DAP3: variants seen among roughly 807,000 people sequenced by gnomAD.
DAP3 encodes small ribosomal subunit protein mS29.
In DAP3, 28 loss-of-function variants were observed where a neutral mutation model predicts 51.9. The ratio of observed to expected loss-of-function variants is 0.54; its 90% CI spans 0.40 to 0.74. DAP3 has a LOEUF of 0.74. DAP3 is among the 30% of genes least tolerant of loss of function. The pLI, the probability that DAP3 is intolerant of heterozygous loss-of-function variation, is 0.00. For synonymous variants in DAP3, 170 were observed against 170.3 expected (o/e 1.00, Z 0.01); for missense variants, 458 against 483.5 (o/e 0.95, Z 0.49).
intron 1 of DAP3, among the ~76,000 whole-genome samples, chr1:155,698,389 A>G (rs1309944989): frequency 1.3e-5 from 2 of 152,180 alleles, no homozygotes; most frequent in Non-Finnish European, 2.9e-5. Flanking sequence ...AAATCTTCAC[A>G]ATTTATGTTC....
intron 1 of DAP3, among the ~76,000 whole-genome samples, chr1:155,703,187 G>A (rs973473391): frequency 2.6e-5 from 4 of 152,006 alleles, no homozygotes; most frequent in Admixed American, 6.6e-5. Flanking sequence ...CCATTTTCAC[G>A]CTGCTGATAA....
intron 2 of DAP3, among the ~76,000 whole-genome samples, chr1:155,712,791 C>G (rs1011704472): frequency 2.6e-5 from 4 of 151,712 alleles, no homozygotes; most frequent in African/African-American, 9.7e-5. Flanking sequence ...AAAAGTGTAA[C>G]AAAAATGTCA....
intron 1 of DAP3, among the ~76,000 whole-genome samples, chr1:155,703,457 G>T (rs959467884): frequency 4.6e-5 from 7 of 152,210 alleles, no homozygotes; most frequent in Non-Finnish European, 8.8e-5. Flanking sequence ...CTACCATGGG[G>T]TCCCTCCTAC....
At chr1:155,704,939 A>G (rs1291802408) in intron 1 of DAP3, among the ~76,000 whole-genome samples, 2 of 152,064 alleles carry the variant, frequency 1.3e-5, no homozygotes, top group Non-Finnish European at 2.9e-5. Flanking sequence ...AGATCATGCC[A>G]CTGCACTCCA....
At chr1:155,691,234 T>A (rs1400397594) in intron 1 of DAP3, among the ~76,000 whole-genome samples, 4 of 141,894 alleles carry the variant, frequency 2.8e-5, no homozygotes, top group Non-Finnish European at 5.9e-5. Context: ...GAACATTTTT[T>A]ATCACCCCCA....
intron 2 of DAP3, among the ~76,000 whole-genome samples, chr1:155,714,811 TG>T (rs1657135820): frequency 6.6e-6 from 1 of 151,740 alleles, no homozygotes; most frequent in Non-Finnish European, 1.5e-5. Flanking sequence ...ACCTGTGTAG[TG>T]GGAATGTTAG....
intron 3 of DAP3, 46 bp from the exon 4 acceptor site, chr1:155,721,471 T>C: frequency 6.3e-7 from 1 of 1,584,500 alleles, no homozygotes; most frequent in Non-Finnish European, 8.7e-7. Context: ...AAGAAAGTCT[T>C]GGTCACTTTG....
chr1:155,726,112 T>C (rs1658549279), intron 6 of DAP3, 93 bp downstream of exon 6: 2 of 1,007,518 alleles, frequency 2.0e-6, no homozygotes, highest in Non-Finnish European at 2.8e-6. Context: ...TCTTTTCTTT[T>C]CTTTTTTTTT....
intron 1 of DAP3, among the ~76,000 whole-genome samples, chr1:155,707,132 G>A (rs1383982014): frequency 6.6e-6 from 1 of 151,428 alleles, no homozygotes; most frequent in Non-Finnish European, 1.5e-5. Context: ...ATTTATAATA[G>A]GCCAGGCGCG....
At position 155,725,507 on chromosome 1, in the gene DAP3, GCGTGGAC is replaced by G; in HGVS notation, c.379+19_379+25del. ...ATCTTCTGTGTATCCTTTCCTGCCT[GCGTGGAC>G]CCTCATGAACCAATGCTTTCTCCCC... On this transcript the variant is annotated intron_variant, in intron 5 of 12. Transcript: ENST00000368336. 6.2e-7 allele frequency: 1 copy of G among 1,601,274 alleles called. No individual in the cohort carries two copies. The highest frequency in any genetic ancestry group is 8.6e-7 in the Non-Finnish European group (1 of 1,168,354).
At chr1:155,716,489 C>T (rs1417631750) in intron 2 of DAP3, among the ~76,000 whole-genome samples, 1 of 151,858 alleles carries the variant, frequency 6.6e-6, no homozygotes, top group Non-Finnish European at 1.5e-5. Flanking sequence ...AGGAGAATGG[C>T]GTAAACCCAG....
intron 2 of DAP3, among the ~76,000 whole-genome samples, chr1:155,715,309 TG>T (rs1316112043): frequency 1.3e-5 from 2 of 149,120 alleles, no homozygotes; most frequent in Non-Finnish European, 1.5e-5. Flanking sequence ...ATCGCGTGAG[TG>T]CAGCAAGTTG....
At chr1:155,719,233 ATTT>A (rs35815910) in intron 3 of DAP3, among the ~76,000 whole-genome samples, 34 of 128,996 alleles carry the variant, frequency 2.6e-4, no homozygotes, top group South Asian at 2.5e-4. Flanking sequence ...CTCTAAAACA[ATTT>A]TTTTTTTTTT....
At chr1:155,689,080 G>C (rs963866056), upstream of DAP3, 140 of 1,475,118 alleles carry the variant, frequency 9.5e-5, no homozygotes, top group Non-Finnish European at 1.3e-4. Context: ...CGGATGACCC[G>C]ACCCTTTTTT....
chr1:155,705,826 G>C (rs1252178745), intron 1 of DAP3, among the ~76,000 whole-genome samples: 1 of 151,796 alleles, frequency 6.6e-6, no homozygotes, highest in Non-Finnish European at 1.5e-5. Flanking sequence ...TCAGCCTCCT[G>C]AGTAGCTGGG....
chr1:155,727,673 C>G lies in DAP3; in HGVS notation c.538C>G (p.Gln180Glu). 6.2e-7 allele frequency: 1 copy of G among 1,613,838 alleles called. No homozygotes were observed. Among genetic ancestry groups the G allele is most frequent in the Non-Finnish European group, 8.5e-7 (1 of 1,179,928 alleles). Residue 180 changes from glutamine to glutamate, a missense_variant, in exon 7 of 13, where the codon CAA becomes GAA. Coordinates refer to ENST00000368336, the MANE Select transcript of DAP3 (RefSeq NM_004632.4). Reference sequence around the variant, plus strand: ...CAGCTACAACAAACAGCGCTTTGATCAACCTTTAGAGGCTTCAACCTGGCT... The same window carrying G: ...CAGCTACAACAAACAGCGCTTTGATGAACCTTTAGAGGCTTCAACCTGGCT... Reference protein sequence around the residue: ...QSSYNKQRFDQPLEASTWLKN... With the variant: ...QSSYNKQRFDEPLEASTWLKN...
upstream of DAP3, chr1:155,688,655 G>T (rs1342572230): frequency 2.6e-6 from 4 of 1,533,594 alleles, no homozygotes; most frequent in Non-Finnish European, 3.5e-6. Flanking sequence ...GCCCTCACGC[G>T]TACCTTCAGC....
upstream of DAP3, chr1:155,688,837 A>G: frequency 6.3e-7 from 1 of 1,585,030 alleles, no homozygotes; most frequent in Non-Finnish European, 8.6e-7. Flanking sequence ...TGGCGGCTGC[A>G]GGGGCAGGAG....
rs61252469 is a variant in DAP3, at chr1:155,720,324, C to CAAAAA, written c.169-1169_169-1165dup. ...TGGTAAACCGAGCAAGATCTTGTCT[C>CAAAAA]AAAAAAAAAAAAAAAAAAAAAAAAA... On this transcript the variant is annotated intron_variant, in intron 3 of 12. Coordinates refer to ENST00000368336, the MANE Select transcript of DAP3 (RefSeq NM_004632.4). Among the ~76,000 whole-genome samples, 37 of 32,800 alleles carry CAAAAA rather than the reference C, an allele frequency of 1.1e-3. 6 individuals carry two copies. Among genetic ancestry groups the CAAAAA allele is most frequent in the African/African-American group, 4.7e-3 (36 of 7,634 alleles). 21.5% of individuals were successfully genotyped at this position (32,800 alleles called of 152,430 possible). A position where few individuals can be genotyped will look rare whatever the true frequency, so the allele number is the denominator to read the frequency against.
Sources: gnomAD v4.1 joint callset for allele counts (sites outside exome capture counted in the v4.1 genomes callset) on GRCh38, gnomAD v4.1.1 for gene constraint, MANE v1.5 for transcripts, NCBI Gene and HGNC (gene_info 2026-07-23, HGNC 2026-07-21) for gene names.